The following CRYBG1 variants were observed in gnomAD, a reference collection of about 807,000 sequenced individuals.
The protein encoded by CRYBG1 is crystallin beta-gamma domain containing 1, also known as beta/gamma crystallin domain-containing protein 1.
A neutral mutation model predicts 189.2 loss-of-function variants in CRYBG1; 139 were observed. The ratio of observed to expected loss-of-function variants is 0.73; its 90% CI spans 0.64 to 0.85. The LOEUF is 0.85. Ranked by LOEUF, CRYBG1 falls within the 40% of genes least tolerant of loss-of-function variation. The pLI is 0.00. For synonymous variants in CRYBG1, 1,023 were observed against 1,017.1 expected, an observed-to-expected ratio of 1.01 and a Z score of -0.11; for missense variants, 2,611 against 2,675.8, an observed-to-expected ratio of 0.98 and a Z score of 0.53.
rs191367313 is a variant in CRYBG1 at position 106,528,234 on chromosome 6, G to T, written c.4578+764G>T. ...TTTCTGAGTAACTTAGGTGGTAATT[G>T]GTATGCTAAATGATTTATCTTTTAT... On this transcript the variant is annotated intron_variant, in intron 7 of 21. Transcript: ENST00000633556. 1.8e-4 allele frequency among the ~76,000 whole-genome samples: 28 copies of T among 152,158 alleles called. No individual in the cohort carries two copies. The East Asian group carries it at 3.9e-3, about 21-fold the overall frequency.
At chr6:106,443,332 T>C (rs950304492) in intron 1 of CRYBG1, among the ~76,000 whole-genome samples, 16 of 152,328 alleles carry the variant, frequency 1.1e-4, no homozygotes, top group Admixed American at 9.2e-4. Flanking sequence ...TCATAATGTT[T>C]TATATAATTG....
At chr6:106,396,895 T>G (rs893312730) in intron 1 of CRYBG1, among the ~76,000 whole-genome samples, 1 of 152,240 alleles carries the variant, frequency 6.6e-6, no homozygotes, top group Non-Finnish European at 1.5e-5. Context: ...TTGGCCAAGC[T>G]GATCTCGAAC....
chr6:106,459,041 T>TA (rs1771947585), intron 2 of CRYBG1, among the ~76,000 whole-genome samples: 1 of 152,228 alleles, frequency 6.6e-6, no homozygotes, highest in Non-Finnish European at 1.5e-5. Flanking sequence ...CTAGATATCT[T>TA]ATATTGTATG....
chr6:106,505,136 C>G (rs1198318603), intron 2 of CRYBG1, among the ~76,000 whole-genome samples: 1 of 150,944 alleles, frequency 6.6e-6, no homozygotes, highest in Non-Finnish European at 1.5e-5. Context: ...TCTTGCTCTG[C>G]CAGACTGGAG....
chr6:106,535,945 C>T lies in CRYBG1; in HGVS notation c.4719-3458C>T, dbSNP rs1184780063. Among the ~76,000 whole-genome samples, 6 of 11,988 alleles carry T rather than the reference C, an allele frequency of 5.0e-4. 3 individuals carry two copies. Among genetic ancestry groups the T allele is most frequent in the Non-Finnish European group, 9.7e-4 (6 of 6,162 alleles). 7.9% of individuals were successfully genotyped at this position (11,988 alleles called of 152,430 possible). A position where few individuals can be genotyped will look rare whatever the true frequency, so the allele number is the denominator to read the frequency against. Reference sequence around the variant, plus strand: ...GACTACAGGCGCCCGCCACCGCGCCCGGCTAATTTTTTGTATTTTTAGTAG... The same window carrying T: ...GACTACAGGCGCCCGCCACCGCGCCTGGCTAATTTTTTGTATTTTTAGTAG... On this transcript the variant is annotated intron_variant, in intron 8 of 21. Coordinates refer to ENST00000633556, the MANE Select transcript of CRYBG1 (RefSeq NM_001371242.2).
At chr6:106,466,402 C>T (rs1772115982) in intron 2 of CRYBG1, among the ~76,000 whole-genome samples, 1 of 152,214 alleles carries the variant, frequency 6.6e-6, no homozygotes, top group South Asian at 2.1e-4. Flanking sequence ...TTAATGCTAA[C>T]ATTCTGCCAG....
At chr6:106,462,125 CT>C (rs199802196) in intron 2 of CRYBG1, among the ~76,000 whole-genome samples, 2,203 of 151,922 alleles carry the variant, frequency 0.015, 44 homozygotes, top group African/African-American at 0.05. Context: ...TTTAGCTATT[CT>C]TTTTTTTCTG....
intron 2 of CRYBG1, among the ~76,000 whole-genome samples, chr6:106,456,936 T>A (rs1771900226): frequency 2.0e-5 from 3 of 152,306 alleles, no homozygotes; most frequent in African/African-American, 7.2e-5. Context: ...ACATTATCAC[T>A]GGGCACCCAC....
rs572138024 is a variant in CRYBG1, at chr6:106,402,528, A to G, written c.173+41447A>G. Among the ~76,000 whole-genome samples the G allele has an allele frequency of 3.8e-4, 49 of 129,250 alleles. 1 individual carries two copies. The South Asian group carries it at 0.014, about 38-fold the overall frequency. The allele number at this position is 129,250 out of a possible 152,430, so 84.8% of individuals were successfully genotyped here. On this transcript the variant is annotated intron_variant, in intron 1 of 21. Coordinates refer to ENST00000633556, the MANE Select transcript of CRYBG1 (RefSeq NM_001371242.2). ...AACTATCTGATCTTTGACAAACCTG[A>G]GAAAAACAAGCAATGGGGAAAGGAT...
chr6:106,404,726 C>T (rs1264851008), intron 1 of CRYBG1, among the ~76,000 whole-genome samples: 8 of 152,024 alleles, frequency 5.3e-5, no homozygotes, highest in Non-Finnish European at 1.0e-4. Flanking sequence ...TGCGGCCCAC[C>T]GAGGGTGAGC....
In CRYBG1 at chr6:106,514,934, AGTCCTTT is replaced by A. The variant is rs1773384291; in HGVS notation, c.1922+1897_1922+1903del. Among the ~76,000 whole-genome samples the A allele has an allele frequency of 1.6e-4, 24 of 152,356 alleles. 1 individual carries two copies. In the South Asian group the frequency reaches 5.0e-3, roughly 32 times the overall value. On this transcript the variant is annotated intron_variant, in intron 3 of 21. Transcript: ENST00000633556. ...GACTTAAAAATTAATAAGTATTTCT[AGTCCTTT>A]GACCCATTTCTTTGTGACTGATGGT... is the stretch of plus-strand genomic sequence containing the variant.
At position 106,386,058 on chromosome 6, in the gene CRYBG1, G is replaced by A. The variant is rs114928261; in HGVS notation, c.173+24977G>A. ...GCAGGGTACTTGGTCTCCACGTGGCGAAGCAGTTTTGAAGGTTTCATGGCT... is the reference window on the plus strand; with the variant it reads ...GCAGGGTACTTGGTCTCCACGTGGCAAAGCAGTTTTGAAGGTTTCATGGCT... On this transcript the variant is annotated intron_variant, in intron 1 of 21. Coordinates refer to ENST00000633556, the MANE Select transcript of CRYBG1 (RefSeq NM_001371242.2). 7.1e-3 allele frequency among the ~76,000 whole-genome samples: 1,078 copies of A among 152,282 alleles called. 15 individuals are homozygous for A. Among genetic ancestry groups the A allele is most frequent in the African/African-American group, 0.024 (1,005 of 41,542 alleles).
At chr6:106,463,884 G>A (rs768396100) in intron 2 of CRYBG1, among the ~76,000 whole-genome samples, 1 of 152,196 alleles carries the variant, frequency 6.6e-6, no homozygotes, top group Non-Finnish European at 1.5e-5. Flanking sequence ...AAAAGTCACT[G>A]TGTGTAGATT....
At chr6:106,435,218 C>G (rs1448589015) in intron 1 of CRYBG1, among the ~76,000 whole-genome samples, 1 of 152,084 alleles carries the variant, frequency 6.6e-6, no homozygotes, top group Non-Finnish European at 1.5e-5. Flanking sequence ...CTCTGTCAAC[C>G]AGGATGGTGT....
At chr6:106,374,809 TAC>T (rs1770115526) in intron 1 of CRYBG1, among the ~76,000 whole-genome samples, 1 of 152,212 alleles carries the variant, frequency 6.6e-6, no homozygotes. Flanking sequence ...TACACATACA[TAC>T]ATTCTAGCAC....
At chr6:106,548,894 T>A (rs1331708545) in intron 13 of CRYBG1, among the ~76,000 whole-genome samples, 3 of 42,526 alleles carry the variant, frequency 7.1e-5, no homozygotes, top group African/African-American at 9.6e-5. Context: ...CCCTCCCCCC[T>A]CCCCCCACCC....
intron 1 of CRYBG1, among the ~76,000 whole-genome samples, chr6:106,444,143 G>A (rs921475709): frequency 2.0e-5 from 3 of 152,120 alleles, no homozygotes; most frequent in African/African-American, 2.4e-5. Flanking sequence ...AAGATCATTA[G>A]TCTTTCTTTG....
intron 2 of CRYBG1, among the ~76,000 whole-genome samples, chr6:106,457,894 C>T (rs563598345): frequency 6.6e-6 from 1 of 152,266 alleles, no homozygotes; most frequent in African/African-American, 2.4e-5. Flanking sequence ...ATGTATATAG[C>T]ATGTTATATT....
Position 106,511,585 on chromosome 6 carries a change from C to T in CRYBG1, c.468C>T (p.Ala156=). The T allele has an allele frequency of 6.5e-7, 1 of 1,535,852 alleles. No homozygotes were observed. Among genetic ancestry groups the T allele is most frequent in the East Asian group, 2.4e-5 (1 of 40,900 alleles). The part of the protein sequence containing the change: ...AKPLSPKDVV[A]SPKLPERESE... ...CACTCTCTCCCAAAGATGTGGTAGCCTCTCCTAAGCTCCCAGAGAGAGAGA... is the reference window on the plus strand; with the variant it reads ...CACTCTCTCCCAAAGATGTGGTAGCTTCTCCTAAGCTCCCAGAGAGAGAGA... The change falls in exon 3 of 22, where the codon GCC becomes GCT. Residue 156 remains alanine (A), a synonymous_variant. Coordinates refer to ENST00000633556, the MANE Select transcript of CRYBG1 (RefSeq NM_001371242.2).
Sources: allele counts gnomAD v4.1 joint callset (sites outside exome capture counted in the v4.1 genomes callset), GRCh38; gene constraint gnomAD v4.1.1; transcripts MANE v1.5; gene names NCBI Gene and HGNC (gene_info 2026-07-23, HGNC 2026-07-21).